The following RANBP2 variants were observed in gnomAD, a reference collection of about 807,000 sequenced individuals.
RANBP2 encodes RAN binding protein 2, also known as E3 SUMO-protein ligase RanBP2.
A neutral mutation model predicts 303.6 loss-of-function variants in RANBP2; 57 were observed. That is an observed-to-expected ratio of 0.19 (90% CI 0.15 to 0.23). The LOEUF (loss-of-function observed/expected upper bound fraction) is 0.23. Among genes scored for constraint, RANBP2 ranks in the 10% least tolerant of loss-of-function variants. The pLI, the probability that RANBP2 is intolerant of heterozygous loss-of-function variation, is 1.00. For synonymous variants in RANBP2, 1,167 were observed against 1,301.5 expected (o/e 0.90, Z 2.23); for missense variants, 3,138 against 3,780.8 (o/e 0.83, Z 4.46).
At chr2:109,251,459 T>G in the RANBP2 span, 3 of 729,312 alleles carry the variant, frequency 4.1e-6, no homozygotes, top group South Asian at 2.7e-5. Flanking sequence ...AAAAAATCTA[T>G]GGACAAGAAG....
the RANBP2 span, among the ~76,000 whole-genome samples, chr2:109,724,335 T>C: frequency 6.6e-6 from 1 of 152,224 alleles, no homozygotes; most frequent in African/African-American, 2.4e-5. Context: ...GGGAATAGCA[T>C]TGCATCTATA....
the RANBP2 span, among the ~76,000 whole-genome samples, chr2:108,995,381 C>T: frequency 2.6e-5 from 4 of 152,164 alleles, no homozygotes; most frequent in Non-Finnish European, 5.9e-5. Context: ...GGCAGAGGAA[C>T]GATTGATTTA....
At chr2:109,366,858 CAAAT>C in the RANBP2 span, among the ~76,000 whole-genome samples, 2 of 152,282 alleles carry the variant, frequency 1.3e-5, no homozygotes, top group Middle Eastern at 3.4e-3. Context: ...GTCTCAAAAA[CAAAT>C]AAATAAATAA....
chr2:109,361,592 G>C, the RANBP2 span, among the ~76,000 whole-genome samples: 2 of 152,086 alleles, frequency 1.3e-5, no homozygotes, highest in Non-Finnish European at 2.9e-5. Context: ...TCCTGCCTCA[G>C]CCTCCCAAGT....
chr2:109,110,123 A>G, the RANBP2 span, among the ~76,000 whole-genome samples: 1 of 152,200 alleles, frequency 6.6e-6, no homozygotes, highest in Admixed American at 6.5e-5. Context: ...GGGAGGCTGG[A>G]GTCTAGCACA....
the RANBP2 span, among the ~76,000 whole-genome samples, chr2:109,315,592 T>C: frequency 7.0e-4 from 107 of 152,368 alleles, 1 homozygote; most frequent in Non-Finnish European, 1.2e-3. Flanking sequence ...TGCAGAACTT[T>C]CAGAAACTGT....
the RANBP2 span, among the ~76,000 whole-genome samples, chr2:109,508,314 C>T: frequency 6.6e-6 from 1 of 152,150 alleles, no homozygotes; most frequent in African/African-American, 2.4e-5. Context: ...CCTGCCCAGA[C>T]TTCATGGATT....
the RANBP2 span, among the ~76,000 whole-genome samples, chr2:109,318,058 C>T: frequency 4.6e-5 from 7 of 151,340 alleles, no homozygotes; most frequent in East Asian, 2.0e-4. Flanking sequence ...TCCTTTCTCT[C>T]CTCTGTTTTT....
chr2:109,625,102 A>G, the RANBP2 span, among the ~76,000 whole-genome samples: 3 of 150,342 alleles, frequency 2.0e-5, no homozygotes, highest in Non-Finnish European at 4.4e-5. Context: ...AAAAAAAAAA[A>G]AAAAAGAAAA....
chr2:109,467,627 T>C, the RANBP2 span, among the ~76,000 whole-genome samples: 2 of 152,224 alleles, frequency 1.3e-5, no homozygotes, highest in African/African-American at 2.4e-5. Flanking sequence ...AAGACAGCAC[T>C]TTATTTTTAA....
At chr2:108,752,226 A>C (rs929082630) in intron 12 of RANBP2, among the ~76,000 whole-genome samples, 6 of 151,944 alleles carry the variant, frequency 3.9e-5, no homozygotes, top group Non-Finnish European at 5.9e-5. Flanking sequence ...GTTATTCCTT[A>C]ATAATTAAGT....
the RANBP2 span, among the ~76,000 whole-genome samples, chr2:109,517,255 A>T: frequency 6.6e-6 from 1 of 151,442 alleles, no homozygotes; most frequent in Non-Finnish European, 1.5e-5. Flanking sequence ...CTCCCACGCC[A>T]TCGCCCATGA....
At chr2:109,517,561 C>CT in the RANBP2 span, among the ~76,000 whole-genome samples, 1 of 152,202 alleles carries the variant, frequency 6.6e-6, no homozygotes, top group African/African-American at 2.4e-5. Context: ...TGGCTGCACT[C>CT]TGACGTTGGA....
chr2:108,912,051 C>T, the RANBP2 span, among the ~76,000 whole-genome samples: 24 of 152,212 alleles, frequency 1.6e-4, no homozygotes, highest in Admixed American at 1.0e-3. Context: ...TGCGTTAGCG[C>T]GTGGGAGGCC....
chr2:109,223,471 G>A, the RANBP2 span, among the ~76,000 whole-genome samples: 1 of 152,234 alleles, frequency 6.6e-6, no homozygotes, highest in Non-Finnish European at 1.5e-5. Flanking sequence ...TTGGGAGTGG[G>A]CATGGCCTGC....
At chr2:109,092,756 T>G in the RANBP2 span, among the ~76,000 whole-genome samples, 2 of 152,286 alleles carry the variant, frequency 1.3e-5, no homozygotes, top group Non-Finnish European at 2.9e-5. Flanking sequence ...ACATTATGAT[T>G]TGTTTCCTCT....
chr2:109,042,961 G>A, the RANBP2 span, among the ~76,000 whole-genome samples: 1 of 152,184 alleles, frequency 6.6e-6, no homozygotes, highest in Admixed American at 6.5e-5. Context: ...AAGAGAATCA[G>A]GAACTACTAG....
the RANBP2 span, among the ~76,000 whole-genome samples, chr2:108,823,846 G>A: frequency 3.3e-5 from 5 of 152,048 alleles, no homozygotes; most frequent in African/African-American, 4.8e-5. Flanking sequence ...GCGTGGTGGC[G>A]GGCATCTGTA....
At chr2:109,186,284 T>A in the RANBP2 span, among the ~76,000 whole-genome samples, 1 of 152,258 alleles carries the variant, frequency 6.6e-6, no homozygotes, top group African/African-American at 2.4e-5. Context: ...ATTCATGTAA[T>A]CCTGACTGCA....
Sources: allele counts gnomAD v4.1 joint callset (sites outside exome capture counted in the v4.1 genomes callset), GRCh38; gene constraint gnomAD v4.1.1; transcripts MANE v1.5; gene names NCBI Gene and HGNC (gene_info 2026-07-23, HGNC 2026-07-21).